Variants in MRTFA observed in about 807,000 individuals in gnomAD.
The protein encoded by MRTFA is myocardin related transcription factor A.
A neutral mutation model predicts 83.5 loss-of-function variants in MRTFA; 20 were observed. That is an observed-to-expected ratio of 0.24 (90% CI 0.17 to 0.35). The LOEUF (loss-of-function observed/expected upper bound fraction) is 0.35. Ranked by LOEUF, MRTFA falls within the 10% of genes least tolerant of loss-of-function variation. The pLI is 1.00. For missense variants in MRTFA, 1,200 were observed against 1,224.7 expected (o/e 0.98, Z 0.30); for synonymous variants, 659 against 541.2 (o/e 1.22, Z -3.02).
At chr22:40,627,357 T>A (rs2056594108) in intron 1 of MRTFA, among the ~76,000 whole-genome samples, 1 of 152,138 alleles carries the variant, frequency 6.6e-6, no homozygotes, top group African/African-American at 2.4e-5. Context: ...CAAGTGATCC[T>A]CCCACCTTGT....
chr22:40,463,367 A>G, intron 3 of MRTFA, 81 bp from the exon 4 acceptor site: 3 of 1,230,086 alleles, frequency 2.4e-6, no homozygotes, highest in Non-Finnish European at 3.6e-6. Flanking sequence ...AAACGCAAAA[A>G]AAGTCTAAAA....
intron 4 of MRTFA, among the ~76,000 whole-genome samples, chr22:40,443,391 A>C (rs2053316771): frequency 6.6e-6 from 1 of 152,164 alleles, no homozygotes; most frequent in South Asian, 2.1e-4. Context: ...TGAAACAAGC[A>C]AAAGTAGATA....
intron 3 of MRTFA, among the ~76,000 whole-genome samples, chr22:40,545,522 T>C (rs969870335): frequency 6.0e-5 from 9 of 149,624 alleles, no homozygotes; most frequent in Admixed American, 4.7e-4. Context: ...AACCTCCGCC[T>C]CCTGGGTTCA....
At position 40,414,128 on chromosome 22, in the gene MRTFA, CAGG is replaced by C. The variant is rs1475633528; in HGVS notation, c.2579-2224_2579-2222del. On this transcript the variant is annotated intron_variant, in intron 14 of 14. Coordinates refer to ENST00000355630, the MANE Select transcript of MRTFA (RefSeq NM_020831.6). ...CCGAGGCGGGCAGACTGCCTGAGCT[CAGG>C]AGTTCAAAACCAGCCTGGGCAACAC... Among the ~76,000 whole-genome samples the C allele has an allele frequency of 2.6e-5, 4 of 152,158 alleles. No individual in the cohort carries two copies. In the South Asian group the frequency reaches 6.2e-4, roughly 24 times the overall value.
At chr22:40,445,916 C>T (rs1009356269) in intron 4 of MRTFA, among the ~76,000 whole-genome samples, 4 of 152,156 alleles carry the variant, frequency 2.6e-5, no homozygotes, top group Non-Finnish European at 5.9e-5. Flanking sequence ...TAGAACAGTA[C>T]CCCTACCTTT....
chr22:40,463,436 G>C (rs2053751687), intron 3 of MRTFA, 150 bp from the exon 4 acceptor site: 3 of 638,868 alleles, frequency 4.7e-6, no homozygotes, highest in East Asian at 2.8e-5. Context: ...TGTAATTGCA[G>C]AAGTGGCCTG....
intron 1 of MRTFA, among the ~76,000 whole-genome samples, chr22:40,633,530 A>G (rs968448604): frequency 2.0e-5 from 3 of 152,332 alleles, no homozygotes; most frequent in Middle Eastern, 3.4e-3. Flanking sequence ...TGCACTCTCA[A>G]AGAAAGTTTA....
At chr22:40,606,785 G>A (rs975561690) in intron 1 of MRTFA, among the ~76,000 whole-genome samples, 4 of 152,142 alleles carry the variant, frequency 2.6e-5, no homozygotes, top group Non-Finnish European at 5.9e-5. Flanking sequence ...GGAGTTTGGT[G>A]GCAAAAGCTA....
At chr22:40,574,221 G>C (rs2055836864) in intron 2 of MRTFA, among the ~76,000 whole-genome samples, 1 of 152,250 alleles carries the variant, frequency 6.6e-6, no homozygotes, top group South Asian at 2.1e-4. Context: ...GAAAAAAGCA[G>C]TAACATTTTA....
At chr22:40,414,943 G>GCCCA (rs2052646727) in intron 14 of MRTFA, 1 of 130,698 alleles carries the variant, frequency 7.7e-6, no homozygotes, top group Non-Finnish European at 1.7e-5. Context: ...GGCCCCCCCT[G>GCCCA]TCCTGGCAGA....
chr22:40,417,569 C>CAGGGGGT (rs2052711909), intron 12 of MRTFA, 76 bp from the exon 13 acceptor site: 1 of 280,826 alleles, frequency 3.6e-6, no homozygotes, highest in African/African-American at 4.4e-5. Flanking sequence ...GGGCGGGGGG[C>CAGGGGGT]GGGGATAGGG....
At chr22:40,548,849 T>C (rs1256607105) in intron 3 of MRTFA, among the ~76,000 whole-genome samples, 1 of 150,532 alleles carries the variant, frequency 6.6e-6, no homozygotes, top group Non-Finnish European at 1.5e-5. Context: ...GGCAACAGAG[T>C]GAGACTCTGT....
intron 3 of MRTFA, among the ~76,000 whole-genome samples, chr22:40,520,240 T>C (rs2054841735): frequency 6.6e-6 from 1 of 152,192 alleles, no homozygotes; most frequent in Non-Finnish European, 1.5e-5. Flanking sequence ...CATAATTCCA[T>C]AGTTTATCGC....
At chr22:40,457,486 G>GAAAGAAAGA (rs750318222) in intron 4 of MRTFA, among the ~76,000 whole-genome samples, 62 of 127,912 alleles carry the variant, frequency 4.8e-4, no homozygotes, top group East Asian at 1.2e-3. Context: ...AAGAAAGAAA[G>GAAAGAAAGA]AAGGAAAGAA....
At chr22:40,595,359 G>T (rs1388613536) in intron 1 of MRTFA, among the ~76,000 whole-genome samples, 1 of 151,752 alleles carries the variant, frequency 6.6e-6, no homozygotes, top group Non-Finnish European at 1.5e-5. Flanking sequence ...CTGACCTCGT[G>T]ATCCACCTGC....
At position 40,636,214 on chromosome 22, in the gene MRTFA, C is replaced by T. The variant is rs562321721; in HGVS notation, c.-84+264G>A. Among the ~76,000 whole-genome samples the T allele has an allele frequency of 5.1e-3, 771 of 152,324 alleles. 7 individuals carry two copies. Among genetic ancestry groups the T allele is most frequent in the African/African-American group, 0.017 (718 of 41,576 alleles). ...TGCCTCCCCGCCCCGCGCAGCACAG[C>T]CCTGCCAGGCAGTGCACAGGTGCAC... On this transcript the variant is annotated intron_variant, in intron 1 of 14. Transcript: ENST00000355630.
Position 40,411,821 on chromosome 22 carries a change from C to A in MRTFA, c.2665G>T (p.Ala889Ser). 6.6e-7 allele frequency: 1 copy of A among 1,515,682 alleles called. No individual in the cohort carries two copies. The highest frequency in any genetic ancestry group is 2.3e-5 in the East Asian group (1 of 43,354). The allele number at this position is 1,515,682 out of a possible 1,614,324, so 93.9% of individuals were successfully genotyped here. ...AGCTCAGCAGAAGGTGATGGCTGTG[C>A]TGCCAGGGGGGACCCACAGACTGTC... The change falls in exon 15 of 15, where the codon GCA becomes TCA. Residue 889 changes from alanine to serine, a missense_variant. Ala to Ser is a moderately conservative substitution (Grantham distance 99). Transcript: ENST00000355630.
At chr22:40,636,166 A>AGAAGCGAGGGC (rs957182265) in intron 1 of MRTFA, among the ~76,000 whole-genome samples, 11 of 152,260 alleles carry the variant, frequency 7.2e-5, no homozygotes, top group East Asian at 5.8e-4. Flanking sequence ...ACATCCCGGG[A>AGAAGCGAGGGC]GAAGCGAGGG....
At chr22:40,449,428 C>A (rs1602260123) in intron 4 of MRTFA, among the ~76,000 whole-genome samples, 1 of 152,062 alleles carries the variant, frequency 6.6e-6, no homozygotes, top group African/African-American at 2.4e-5. Context: ...AAGAGGCCAG[C>A]AGTCCACAGC....
Sources: gnomAD v4.1 joint callset for allele counts (sites outside exome capture counted in the v4.1 genomes callset) on GRCh38, gnomAD v4.1.1 for gene constraint, MANE v1.5 for transcripts, NCBI Gene and HGNC (gene_info 2026-07-23, HGNC 2026-07-21) for gene names.